Variants in PID1 observed in about 807,000 individuals in gnomAD.
PID1 encodes the protein PTB-containing, cubilin and LRP1-interacting protein.
Under a neutral mutation model 19.1 loss-of-function variants are expected in PID1, and 10 were observed. The ratio of observed to expected loss-of-function variants is 0.52; its 90% CI spans 0.32 to 0.89. The LOEUF (loss-of-function observed/expected upper bound fraction) is 0.89. Ranked by LOEUF, PID1 falls within the 40% of genes least tolerant of loss-of-function variation. PID1 has a pLI of 0.03. For synonymous variants in PID1, 130 were observed against 116.0 expected (o/e 1.12, Z -0.78); for missense variants, 248 against 285.3 (o/e 0.87, Z 0.94).
At chr2:229,246,707 C>T (rs1165698348) in intron 1 of PID1, among the ~76,000 whole-genome samples, 2 of 152,160 alleles carry the variant, frequency 1.3e-5, no homozygotes, top group Non-Finnish European at 1.5e-5. Context: ...TAAAAACCTG[C>T]CTCCAATCCT....
chr2:229,072,346 T>C (rs1479674249), intron 2 of PID1, among the ~76,000 whole-genome samples: 2 of 152,146 alleles, frequency 1.3e-5, no homozygotes, highest in Admixed American at 6.5e-5. Context: ...TCCAGCACTT[T>C]GGGAGGCTGA....
chr2:229,149,371 T>G (rs1244978701), intron 2 of PID1, among the ~76,000 whole-genome samples: 1 of 152,172 alleles, frequency 6.6e-6, no homozygotes, highest in East Asian at 1.9e-4. Context: ...ATACATGTGA[T>G]GCTAATTTCA....
intron 2 of PID1, among the ~76,000 whole-genome samples, chr2:229,114,131 C>CTTTCTCTCTCTCTT (rs1400053073): frequency 1.4e-5 from 2 of 147,944 alleles, no homozygotes; most frequent in South Asian, 4.3e-4. Flanking sequence ...CTCTCTCTCT[C>CTTTCTCTCTCTCTT]TCTTTCTCTC....
At chr2:229,154,389 G>C (rs1040278395) in intron 2 of PID1, among the ~76,000 whole-genome samples, 1 of 151,566 alleles carries the variant, frequency 6.6e-6, no homozygotes, top group African/African-American at 2.4e-5. Context: ...CTATTCTTTC[G>C]CCTGAAAGAT....
intron 2 of PID1, among the ~76,000 whole-genome samples, chr2:229,053,155 T>A (rs1006580258): frequency 1.3e-5 from 2 of 152,212 alleles, no homozygotes; most frequent in African/African-American, 2.4e-5. Context: ...TAAATGTATG[T>A]AAATATGTAA....
At chr2:229,158,263 TCTG>T (rs1381468670) in intron 1 of PID1, among the ~76,000 whole-genome samples, 6 of 152,218 alleles carry the variant, frequency 3.9e-5, no homozygotes, top group Non-Finnish European at 7.3e-5. Context: ...GTACGTTTCT[TCTG>T]CTTTTTGAAT....
intron 2 of PID1, among the ~76,000 whole-genome samples, chr2:229,145,727 T>C (rs1690116388): frequency 6.6e-6 from 1 of 152,178 alleles, no homozygotes; most frequent in African/African-American, 2.4e-5. Context: ...CGTGAATCTT[T>C]TACAAACACT....
chr2:229,209,750 T>A (rs1691686514), intron 1 of PID1, among the ~76,000 whole-genome samples: 1 of 152,210 alleles, frequency 6.6e-6, no homozygotes, highest in South Asian at 2.1e-4. Context: ...GTAAGTGGAA[T>A]GCTATTCTTT....
At chr2:229,183,816 C>A (rs1325882017) in intron 1 of PID1, among the ~76,000 whole-genome samples, 2 of 151,526 alleles carry the variant, frequency 1.3e-5, no homozygotes, top group Non-Finnish European at 2.9e-5. Context: ...GCCTCCATCA[C>A]TGCAAAGCCA....
chr2:229,144,020 C>T (rs1396296687), intron 2 of PID1, among the ~76,000 whole-genome samples: 2 of 152,076 alleles, frequency 1.3e-5, no homozygotes, highest in Non-Finnish European at 2.9e-5. Flanking sequence ...GATCAGGTTC[C>T]TGAAATGTAA....
intron 2 of PID1, among the ~76,000 whole-genome samples, chr2:229,114,848 A>G (rs1695378382): frequency 6.6e-6 from 1 of 152,222 alleles, no homozygotes; most frequent in Non-Finnish European, 1.5e-5. Flanking sequence ...AATTTGCACA[A>G]TGGATTTTCC....
chr2:229,134,236 T>TTTTTTTTTTTG lies in PID1; in HGVS notation c.177+21581_177+21582insCAAAAAAAAAA, dbSNP rs1230168279. ...TAACAATGTTTACTACCTGTGTTTT[T>TTTTTTTTTTTG]TTTTTTTTTTTTTTTTGAGACAGAG... On this transcript the variant is annotated intron_variant, in intron 2 of 2. Transcript: ENST00000392055. Among the ~76,000 whole-genome samples, 32 of 31,158 alleles carry TTTTTTTTTTTG rather than the reference T, an allele frequency of 1.0e-3. 1 individual carries two copies. The highest frequency in any genetic ancestry group is 2.3e-3 in the African/African-American group (32 of 13,984). 20.4% of individuals were successfully genotyped at this position (31,158 alleles called of 152,430 possible).
intron 1 of PID1, among the ~76,000 whole-genome samples, chr2:229,210,064 T>TTTTTTATTAACC (rs1691693339): frequency 6.6e-6 from 1 of 152,096 alleles, no homozygotes; most frequent in East Asian, 1.9e-4. Flanking sequence ...TTCCCTAAAT[T>TTTTTTATTAACC]TTTGTTTATT....
chr2:229,098,921 T>C (rs947471399), intron 2 of PID1, among the ~76,000 whole-genome samples: 1 of 152,208 alleles, frequency 6.6e-6, no homozygotes, highest in Non-Finnish European at 1.5e-5. Flanking sequence ...TCCATCATCA[T>C]TTTTTGGCTT....
intron 1 of PID1, among the ~76,000 whole-genome samples, chr2:229,161,244 G>A (rs1690487234): frequency 6.6e-6 from 1 of 152,160 alleles, no homozygotes; most frequent in African/African-American, 2.4e-5. Context: ...CCCAATCGAA[G>A]TCAGCCTGAG....
intron 2 of PID1, among the ~76,000 whole-genome samples, chr2:229,052,618 A>G (rs1045375113): frequency 2.0e-5 from 3 of 151,666 alleles, no homozygotes; most frequent in Non-Finnish European, 2.9e-5. Flanking sequence ...GTGTTGGTTT[A>G]CTTTCTCCTC....
At position 229,109,732 on chromosome 2, in the gene PID1, C is replaced by T. The variant is rs143903166; in HGVS notation, c.177+46086G>A. Among the ~76,000 whole-genome samples, 37 of 152,226 alleles carry T rather than the reference C, an allele frequency of 2.4e-4. No homozygotes were observed. In the East Asian group the frequency reaches 6.2e-3, roughly 25 times the overall value. The stretch of plus-strand genomic sequence containing the variant: ...TAGAATGCATGCATCCAAAAGAAAT[C>T]GATGTAACACCTGGAATGTATGAAA... On this transcript the variant is annotated intron_variant, in intron 2 of 2. Coordinates refer to ENST00000392055, the MANE Select transcript of PID1 (RefSeq NM_001100818.2).
At chr2:229,230,421 C>A (rs1325015287) in intron 1 of PID1, among the ~76,000 whole-genome samples, 2 of 152,116 alleles carry the variant, frequency 1.3e-5, no homozygotes, top group Admixed American at 1.3e-4. Context: ...CAATATGAGC[C>A]CTTCTTGGCC....
In PID1 at chr2:229,179,008, C is replaced by G. The variant is rs531768798; in HGVS notation, c.31-23044G>C. On this transcript the variant is annotated intron_variant, in intron 1 of 2. Coordinates refer to ENST00000392055, the MANE Select transcript of PID1 (RefSeq NM_001100818.2). The stretch of plus-strand genomic sequence containing the variant: ...GTGAAAACTCAGTCCAAAGAAATTG[C>G]ATGTGATCCCTTTAACCACTAACTC... Among the ~76,000 whole-genome samples, 12 of 152,302 alleles carry G rather than the reference C, an allele frequency of 7.9e-5. No individual in the cohort carries two copies. In the South Asian group the frequency reaches 2.5e-3, roughly 32 times the overall value.
Sources: allele counts gnomAD v4.1 joint callset (sites outside exome capture counted in the v4.1 genomes callset), GRCh38; gene constraint gnomAD v4.1.1; transcripts MANE v1.5; gene names NCBI Gene and HGNC (gene_info 2026-07-23, HGNC 2026-07-21).